Variants in PLXNA2 observed in about 807,000 individuals in gnomAD.
The protein encoded by PLXNA2 is plexin A2, also known as plexin-A2.
Under a neutral mutation model 193.5 loss-of-function variants are expected in PLXNA2, and 91 were observed. That is an observed-to-expected ratio of 0.47 (90% CI 0.40 to 0.56). PLXNA2 has a LOEUF of 0.56. Ranked by LOEUF, PLXNA2 falls within the 20% of genes least tolerant of loss-of-function variation. The pLI is 0.00. For synonymous variants in PLXNA2, 997 were observed against 1,027.3 expected (o/e 0.97, Z 0.56); for missense variants, 1,995 against 2,503.2 (o/e 0.80, Z 4.33).
intron 12 of PLXNA2, among the ~76,000 whole-genome samples, 185 bp from the exon 13 acceptor site, chr1:208,061,022 C>G (rs1452295652): frequency 6.6e-6 from 1 of 152,130 alleles, no homozygotes; most frequent in Non-Finnish European, 1.5e-5. Flanking sequence ...ACATCATGTT[C>G]TGTTTTACAC....
intron 4 of PLXNA2, among the ~76,000 whole-genome samples, chr1:208,116,570 C>T (rs1248134404): frequency 6.6e-6 from 1 of 152,190 alleles, no homozygotes; most frequent in East Asian, 1.9e-4. Flanking sequence ...GTTTACAACA[C>T]AGCAGAGGCT....
intron 17 of PLXNA2, among the ~76,000 whole-genome samples, 168 bp downstream of exon 17, chr1:208,050,841 A>T (rs1201704156): frequency 6.6e-6 from 1 of 151,992 alleles, no homozygotes; most frequent in South Asian, 2.1e-4. Flanking sequence ...AAAAAAAAAA[A>T]TTATAAGGTT....
At position 208,084,363 on chromosome 1, in the gene PLXNA2, A is replaced by G; in HGVS notation, c.2298+17T>C. The G allele has an allele frequency of 6.2e-7, 1 of 1,613,284 alleles. No individual in the cohort carries two copies. Among genetic ancestry groups the G allele is most frequent in the Non-Finnish European group, 8.5e-7 (1 of 1,179,536 alleles). On this transcript the variant is annotated intron_variant, in intron 10 of 31. Transcript: ENST00000367033. Reference sequence around the variant, plus strand: ...GGAAGCCCTGCTCCAGGCAGGGCCCAGCCTGCGTTTTCTTACCGAGCTGTT... The same window carrying G: ...GGAAGCCCTGCTCCAGGCAGGGCCCGGCCTGCGTTTTCTTACCGAGCTGTT...
intron 4 of PLXNA2, among the ~76,000 whole-genome samples, chr1:208,107,536 C>G (rs11118987): frequency 0.72 from 110,082 of 151,914 alleles, 40,310 homozygotes; most frequent in Non-Finnish European, 0.78. Flanking sequence ...TCACTTTGTA[C>G]CCCAGGTGAC....
At chr1:208,097,321 A>G (rs932586346) in intron 6 of PLXNA2, among the ~76,000 whole-genome samples, 5 of 152,218 alleles carry the variant, frequency 3.3e-5, no homozygotes, top group African/African-American at 9.6e-5. Flanking sequence ...GAGGTTTACC[A>G]GGAGCTCACT....
At chr1:208,029,077 T>A (rs748884923) in intron 29 of PLXNA2, 35 bp from the exon 30 acceptor site, 2 of 1,611,812 alleles carry the variant, frequency 1.2e-6, no homozygotes, top group Non-Finnish European at 1.7e-6. Flanking sequence ...TGAGAATGCA[T>A]GCGGGCCGTG....
At position 208,027,084 on chromosome 1, in the gene PLXNA2, G is replaced by C. The variant is rs975798455; in HGVS notation, c.*159C>G. ...GCTGGAACTGGCTATGACGAAACTT[G>C]GCTGGCGTAGGGAGAGGAGTCCTCC... On this transcript the variant is annotated 3_prime_UTR_variant, in exon 32 of 32. Transcript: ENST00000367033. 2 of 621,862 alleles carry C rather than the reference G, an allele frequency of 3.2e-6. No individual in the cohort carries two copies. The highest frequency in any genetic ancestry group is 5.8e-5 in the East Asian group (2 of 34,596). The allele number at this position is 621,862 out of a possible 1,614,324, so 38.5% of individuals were successfully genotyped here.
Position 208,236,248 on chromosome 1 carries a change from T to G in PLXNA2, c.-81+7395A>C, listed in dbSNP as rs1481196461. On this transcript the variant is annotated intron_variant, in intron 1 of 31. Coordinates refer to ENST00000367033, the MANE Select transcript of PLXNA2 (RefSeq NM_025179.4). The surrounding 1 kb of genome is among the most constrained non-coding windows in gnomAD (Gnocchi z 4.4). ...AAATTCAAAAAATTGGCTCTTCTCC[T>G]TCAGGTATTTTTGTTCCTCAGGAGA... is the stretch of plus-strand genomic sequence containing the variant. Among the ~76,000 whole-genome samples the G allele has an allele frequency of 6.6e-6, 1 of 152,130 alleles. No individual in the cohort carries two copies. The highest frequency in any genetic ancestry group is 2.4e-5 in the African/African-American group (1 of 41,406).
chr1:208,051,663 T>A (rs946025538), intron 15 of PLXNA2, among the ~76,000 whole-genome samples: 3 of 152,212 alleles, frequency 2.0e-5, no homozygotes, highest in African/African-American at 7.2e-5. Context: ...TAGGGTTTCA[T>A]GGGCTTCGGG....
chr1:208,050,972 G>T, intron 17 of PLXNA2, 37 bp downstream of exon 17: 1 of 1,476,328 alleles, frequency 6.8e-7, no homozygotes, highest in Non-Finnish European at 9.5e-7. Context: ...ACAGAGCTGT[G>T]TTTACCAAAG....
chr1:208,093,876 C>G (rs541447503), intron 8 of PLXNA2, among the ~76,000 whole-genome samples: 18 of 152,278 alleles, frequency 1.2e-4, no homozygotes, highest in African/African-American at 4.3e-4. Context: ...CTCGCAGCCC[C>G]CTTACTCTAT....
chr1:208,170,309 A>G lies in PLXNA2; in HGVS notation c.1372-27846T>C, dbSNP rs1026924934. 2.6e-5 allele frequency among the ~76,000 whole-genome samples: 4 copies of G among 152,372 alleles called. No homozygotes were observed. In the East Asian group the frequency reaches 7.7e-4, roughly 29 times the overall value. On this transcript the variant is annotated intron_variant, in intron 3 of 31. Coordinates refer to ENST00000367033, the MANE Select transcript of PLXNA2 (RefSeq NM_025179.4). ...TAGCCCAAAGTCAAATGAAAGAAGC[A>G]TTAAACAAAGACCAGCCTGCCTTGA... is the stretch of plus-strand genomic sequence containing the variant.
intron 15 of PLXNA2, among the ~76,000 whole-genome samples, chr1:208,051,761 G>A (rs902079102): frequency 6.6e-6 from 1 of 152,176 alleles, no homozygotes; most frequent in Non-Finnish European, 1.5e-5. Flanking sequence ...TATTCACTGA[G>A]CACCTACTGT....
intron 3 of PLXNA2, among the ~76,000 whole-genome samples, chr1:208,197,607 C>T (rs1670401730): frequency 6.6e-6 from 1 of 152,158 alleles, no homozygotes; most frequent in South Asian, 2.1e-4. Context: ...AAATGAGGCC[C>T]AACTGGGCCC....
chr1:208,083,389 G>A (rs569157230), intron 10 of PLXNA2, among the ~76,000 whole-genome samples: 3 of 152,190 alleles, frequency 2.0e-5, no homozygotes, highest in Admixed American at 6.5e-5. Context: ...GCATCTTCCC[G>A]ACCCCCCACT....
intron 4 of PLXNA2, among the ~76,000 whole-genome samples, chr1:208,135,639 G>T (rs1668278656): frequency 6.6e-6 from 1 of 152,200 alleles, no homozygotes; most frequent in Admixed American, 6.5e-5. Context: ...AATCAGTCCA[G>T]CTTTGATGAC....
intron 4 of PLXNA2, among the ~76,000 whole-genome samples, chr1:208,119,353 A>G (rs960377907): frequency 2.6e-5 from 4 of 152,200 alleles, no homozygotes; most frequent in Admixed American, 1.3e-4. Flanking sequence ...GACCCAGCGA[A>G]AGGTGTCCGG....
chr1:208,167,826 C>T (rs988986684), intron 3 of PLXNA2, among the ~76,000 whole-genome samples: 12 of 152,220 alleles, frequency 7.9e-5, no homozygotes, highest in Non-Finnish European at 1.2e-4. Flanking sequence ...CGTTGAAACC[C>T]CACACACATA....
Position 208,118,264 on chromosome 1 carries a change from T to C in PLXNA2, c.1507-15017A>G, listed in dbSNP as rs546109338. On this transcript the variant is annotated intron_variant, in intron 4 of 31. Transcript: ENST00000367033. ...ACTGTGGACACCAATCCTCAGATGG[T>C]TCAGCAGACCATTTTTCCTGAAATC... is the stretch of plus-strand genomic sequence containing the variant. 1.7e-3 allele frequency among the ~76,000 whole-genome samples: 257 copies of C among 152,334 alleles called. 1 individual carries two copies. The highest frequency in any genetic ancestry group is 7.9e-3 in the South Asian group (38 of 4,820).
Sources: allele counts gnomAD v4.1 joint callset (sites outside exome capture counted in the v4.1 genomes callset), GRCh38; gene constraint gnomAD v4.1.1; non-coding constraint Gnocchi (gnomAD v3.1); transcripts MANE v1.5; gene names NCBI Gene and HGNC (gene_info 2026-07-23, HGNC 2026-07-21).